Variants in RGPD2 observed in about 807,000 individuals in gnomAD.
RGPD2 encodes RANBP2-like and GRIP domain-containing protein 2.
RGPD2 carries 2 observed loss-of-function variants against 36.0 expected under a neutral mutation model. The ratio of observed to expected loss-of-function variants is 0.06; its 90% CI spans 0.02 to 0.17. RGPD2 has a LOEUF of 0.17. RGPD2 is among the 10% of genes least tolerant of loss of function. RGPD2 has a pLI of 1.00. For synonymous variants in RGPD2, 19 were observed against 163.8 expected (o/e 0.12, Z 6.75); for missense variants, 40 against 464.3 (o/e 0.09, Z 8.40).
At chr2:87,887,279 AT>A in the RGPD2 span, among the ~76,000 whole-genome samples, 5 of 151,708 alleles carry the variant, frequency 3.3e-5, no homozygotes. Context: ...TATCTTATTG[AT>A]CGAAACCGCA....
chr2:87,915,278 A>ATATATATATGTATATTATATATATTG, the RGPD2 span, among the ~76,000 whole-genome samples: 9 of 90,340 alleles, frequency 1.0e-4, 1 homozygote, highest in Admixed American at 2.6e-4. Flanking sequence ...GTGTGTGTAT[A>ATATATATATGTATATTATATATATTG]TATATATATA....
the RGPD2 span, among the ~76,000 whole-genome samples, chr2:87,922,319 A>G: frequency 6.6e-6 from 1 of 151,958 alleles, no homozygotes; most frequent in African/African-American, 2.4e-5. Flanking sequence ...AAAAAAACCA[A>G]AAAAGTAATA....
the RGPD2 span, among the ~76,000 whole-genome samples, chr2:87,921,861 T>C: frequency 6.6e-6 from 1 of 152,016 alleles, no homozygotes; most frequent in African/African-American, 2.4e-5. Context: ...AAATAAGAAG[T>C]GGAAGCCTGG....
chr2:87,849,336 A>G, the RGPD2 span, among the ~76,000 whole-genome samples: 1 of 151,770 alleles, frequency 6.6e-6, no homozygotes, highest in Non-Finnish European at 1.5e-5. Flanking sequence ...GGGTTGAAAT[A>G]TGATTGCTAT....
the RGPD2 span, among the ~76,000 whole-genome samples, chr2:87,842,914 A>G: frequency 1.4e-5 from 2 of 145,864 alleles, no homozygotes; most frequent in Non-Finnish European, 3.0e-5. Context: ...CCGCATATCT[A>G]CAACTATCTC....
the RGPD2 span, among the ~76,000 whole-genome samples, chr2:87,879,651 T>G: frequency 1.3e-5 from 1 of 79,536 alleles, no homozygotes; most frequent in African/African-American, 5.5e-5. Context: ...AGGATCTCAT[T>G]CTTTTTATGG....
chr2:87,974,839 A>G, the RGPD2 span, among the ~76,000 whole-genome samples: 1 of 152,236 alleles, frequency 6.6e-6, no homozygotes, highest in South Asian at 2.1e-4. Flanking sequence ...CACCTAAACC[A>G]TCATCATCTG....
chr2:87,989,730 G>C, the RGPD2 span: 1 of 1,002,948 alleles, frequency 1.0e-6, no homozygotes, highest in Non-Finnish European at 1.5e-6. Flanking sequence ...ATCTCTGATA[G>C]AATCAATGTA....
the RGPD2 span, among the ~76,000 whole-genome samples, chr2:87,964,959 T>C: frequency 6.6e-6 from 1 of 152,174 alleles, no homozygotes; most frequent in Admixed American, 6.6e-5. Flanking sequence ...TCTTGATTAA[T>C]CCTTAAACTA....
chr2:87,771,382 AGTTTTT>A (rs1558718201), intron 22 of RGPD2: 1 of 1,086 alleles, frequency 9.2e-4, no homozygotes, highest in Non-Finnish European at 1.7e-3. Flanking sequence ...ACTACATCAT[AGTTTTT>A]TTTTTTTTTT....
At chr2:87,939,827 A>T in the RGPD2 span, among the ~76,000 whole-genome samples, 1 of 152,012 alleles carries the variant, frequency 6.6e-6, no homozygotes, top group Non-Finnish European at 1.5e-5. Context: ...GTTTGAGTCA[A>T]TCATTGAATA....
chr2:87,776,355 ATACT>A (rs1158872124), intron 20 of RGPD2, among the ~76,000 whole-genome samples: 4 of 67,960 alleles, frequency 5.9e-5, no homozygotes, highest in African/African-American at 2.0e-4. Flanking sequence ...GTGTAAGGTA[ATACT>A]TAATAAGCAT....
the RGPD2 span, among the ~76,000 whole-genome samples, chr2:87,846,314 C>T: frequency 1.3e-5 from 2 of 151,952 alleles, no homozygotes; most frequent in Admixed American, 6.6e-5. Context: ...AATAAACATC[C>T]ACACTCATTA....
chr2:87,937,040 C>A, the RGPD2 span, among the ~76,000 whole-genome samples: 10 of 151,550 alleles, frequency 6.6e-5, no homozygotes, highest in African/African-American at 2.4e-4. Flanking sequence ...TGGTTTCTGT[C>A]AGTCAGAAAA....
the RGPD2 span, among the ~76,000 whole-genome samples, chr2:87,961,372 C>T: frequency 3.9e-5 from 6 of 151,968 alleles, no homozygotes; most frequent in Admixed American, 6.6e-5. Context: ...TCGAGCTGCA[C>T]TCGGCCGGGC....
chr2:87,914,664 A>G, the RGPD2 span, among the ~76,000 whole-genome samples: 1 of 127,624 alleles, frequency 7.8e-6, no homozygotes, highest in Non-Finnish European at 1.6e-5. Context: ...TTTATCCAGT[A>G]GTTTCTTCTC....
At chr2:87,921,111 C>T in the RGPD2 span, among the ~76,000 whole-genome samples, 9 of 150,108 alleles carry the variant, frequency 6.0e-5, no homozygotes, top group Non-Finnish European at 3.0e-5. Flanking sequence ...GGTAGAGATG[C>T]TAATTAGCTG....
chr2:87,885,304 A>G, the RGPD2 span, among the ~76,000 whole-genome samples: 4 of 152,084 alleles, frequency 2.6e-5, no homozygotes, highest in East Asian at 5.8e-4. Flanking sequence ...ACTTAACATC[A>G]TTTTATGATA....
the RGPD2 span, among the ~76,000 whole-genome samples, chr2:87,881,217 T>C: frequency 1.3e-5 from 2 of 150,866 alleles, no homozygotes; most frequent in South Asian, 2.1e-4. Context: ...GTTGAGTGGC[T>C]GCAACTTTTC....
Sources: gnomAD v4.1 joint callset for allele counts (sites outside exome capture counted in the v4.1 genomes callset) on GRCh38, gnomAD v4.1.1 for gene constraint, MANE v1.5 for transcripts, NCBI Gene and HGNC (gene_info 2026-07-23, HGNC 2026-07-21) for gene names.